P2RY12: variants seen among roughly 807,000 people sequenced by gnomAD.
P2RY12 encodes P2Y purinoceptor 12.
A neutral mutation model predicts 4.5 loss-of-function variants in P2RY12; 3 were observed. That is an observed-to-expected ratio of 0.67 (90% CI 0.31 to 1.74). The LOEUF is 1.74. P2RY12 is among the 40% of genes most tolerant of loss of function. The pLI, the probability that P2RY12 is intolerant of heterozygous loss-of-function variation, is 0.09. For missense variants in P2RY12, 356 were observed against 407.8 expected (o/e 0.87, Z 1.09); for synonymous variants, 148 against 154.1 (o/e 0.96, Z 0.29).
At chr3:151,372,547 T>C in intron 1 of P2RY12, 1 of 1,604,446 alleles carries the variant, frequency 6.2e-7, no homozygotes, top group Non-Finnish European at 8.5e-7. Flanking sequence ...TGATTTTGCT[T>C]TTGTGATTCT....
intron 1 of P2RY12, among the ~76,000 whole-genome samples, chr3:151,342,519 C>A (rs1387940949): frequency 1.3e-5 from 2 of 152,212 alleles, no homozygotes; most frequent in Admixed American, 1.3e-4. Context: ...GAATAAAAAA[C>A]TCTGGGGTGC....
At chr3:151,357,978 C>A (rs941824411) in intron 1 of P2RY12, among the ~76,000 whole-genome samples, 1 of 152,156 alleles carries the variant, frequency 6.6e-6, no homozygotes, top group Non-Finnish European at 1.5e-5. Flanking sequence ...CAAAAACTTA[C>A]ATAAGCTGCT....
At chr3:151,359,736 A>G (rs1384052844) in intron 1 of P2RY12, among the ~76,000 whole-genome samples, 1 of 152,112 alleles carries the variant, frequency 6.6e-6, no homozygotes, top group African/African-American at 2.4e-5. Flanking sequence ...TGACTCCGTT[A>G]GTGTAATATA....
chr3:151,375,133 A>G (rs905960121), intron 1 of P2RY12, among the ~76,000 whole-genome samples: 9 of 152,232 alleles, frequency 5.9e-5, no homozygotes, highest in African/African-American at 2.2e-4. Context: ...GGCATTTAAA[A>G]CAATTTGGAT....
At chr3:151,347,588 A>G (rs1024163531) in intron 1 of P2RY12, among the ~76,000 whole-genome samples, 1 of 152,150 alleles carries the variant, frequency 6.6e-6, no homozygotes, top group Non-Finnish European at 1.5e-5. Flanking sequence ...AATCGTGGCT[A>G]TGAGAGTATT....
intron 1 of P2RY12, chr3:151,372,462 C>T (rs1756309643): frequency 6.5e-6 from 5 of 774,414 alleles, no homozygotes; most frequent in African/African-American, 3.4e-5. Context: ...AATAATAATA[C>T]TGTTCATATA....
intron 1 of P2RY12, among the ~76,000 whole-genome samples, chr3:151,350,643 A>G (rs1357083349): frequency 1.3e-5 from 2 of 152,146 alleles, no homozygotes; most frequent in Non-Finnish European, 2.9e-5. Context: ...TTTGCATGTT[A>G]ATTGAAAATC....
chr3:151,364,066 A>G (rs1754975177), intron 1 of P2RY12, among the ~76,000 whole-genome samples: 1 of 152,164 alleles, frequency 6.6e-6, no homozygotes, highest in Non-Finnish European at 1.5e-5. Context: ...AACTTAATCT[A>G]TAAAACAGAC....
chr3:151,361,016 T>A (rs948364729), intron 1 of P2RY12, among the ~76,000 whole-genome samples: 4 of 152,168 alleles, frequency 2.6e-5, no homozygotes, highest in Non-Finnish European at 4.4e-5. Context: ...ATAAATCTAA[T>A]AGAAAGATCA....
intron 1 of P2RY12, among the ~76,000 whole-genome samples, chr3:151,347,706 G>T (rs138297086): frequency 0.011 from 1,634 of 152,198 alleles, 43 homozygotes; most frequent in African/African-American, 0.037. Flanking sequence ...AGAGGAGGAG[G>T]GGAAGTCTAG....
chr3:151,352,640 C>G (rs1055979083), intron 1 of P2RY12, among the ~76,000 whole-genome samples: 1 of 70,030 alleles, frequency 1.4e-5, no homozygotes, highest in Non-Finnish European at 2.6e-5. Flanking sequence ...TTTGAGGAAC[C>G]AACTCATTTA....
intron 1 of P2RY12, among the ~76,000 whole-genome samples, chr3:151,376,375 G>A (rs1249990774): frequency 2.0e-5 from 3 of 152,010 alleles, no homozygotes; most frequent in Non-Finnish European, 4.4e-5. Flanking sequence ...ATTTTTGGGT[G>A]GATGTACATG....
chr3:151,380,085 T>A (rs771209990), intron 1 of P2RY12: 1 of 1,359,348 alleles, frequency 7.4e-7, no homozygotes, highest in Admixed American at 2.2e-5. Context: ...TCTAACTAGA[T>A]CTGTTGTTAT....
At chr3:151,370,916 A>G (rs1756101245) in intron 1 of P2RY12, among the ~76,000 whole-genome samples, 1 of 152,196 alleles carries the variant, frequency 6.6e-6, no homozygotes. Flanking sequence ...CCACCTCTTC[A>G]TCCACATAAT....
At chr3:151,345,642 C>G (rs764300972) in intron 1 of P2RY12, among the ~76,000 whole-genome samples, 3 of 151,426 alleles carry the variant, frequency 2.0e-5, no homozygotes, top group Admixed American at 6.6e-5. Flanking sequence ...CTCAGCCTCC[C>G]GAGTAGCTGA....
At chr3:151,363,286 A>G (rs1343719326) in intron 1 of P2RY12, among the ~76,000 whole-genome samples, 1 of 152,204 alleles carries the variant, frequency 6.6e-6, no homozygotes. Flanking sequence ...AGATGAAGAA[A>G]AATGGGCAAA....
At chr3:151,345,251 T>G (rs1269386904) in intron 1 of P2RY12, among the ~76,000 whole-genome samples, 1 of 152,216 alleles carries the variant, frequency 6.6e-6, no homozygotes, top group East Asian at 1.9e-4. Flanking sequence ...TGACGTCTCC[T>G]GTAACAGACT....
At chr3:151,382,092 C>CA (rs1415854474) in intron 1 of P2RY12, among the ~76,000 whole-genome samples, 1 of 152,084 alleles carries the variant, frequency 6.6e-6, no homozygotes, top group East Asian at 1.9e-4. Context: ...TAGTGTGAGT[C>CA]AGTGAGGAAG....
At chr3:151,355,962 G>A in intron 1 of P2RY12, 1 of 1,613,944 alleles carries the variant, frequency 6.2e-7, no homozygotes. Context: ...TCTCCCTTTG[G>A]CTCACCACAT....
Sources: gnomAD v4.1 joint callset for allele counts (sites outside exome capture counted in the v4.1 genomes callset) on GRCh38, gnomAD v4.1.1 for gene constraint, MANE v1.5 for transcripts, NCBI Gene and HGNC (gene_info 2026-07-23, HGNC 2026-07-21) for gene names.